ERAP1: variants seen among roughly 807,000 people sequenced by gnomAD.
ERAP1 encodes adipocyte-derived leucine aminopeptidase.
Under a neutral mutation model 103.7 loss-of-function variants are expected in ERAP1, and 86 were observed. That is an observed-to-expected ratio of 0.83 (90% CI 0.70 to 0.99). The LOEUF is 0.99. Ranked by LOEUF, ERAP1 falls within the 50% of genes least tolerant of loss-of-function variation. ERAP1 has a pLI of 0.00. For synonymous variants in ERAP1, 398 were observed against 402.4 expected (o/e 0.99, Z 0.13); for missense variants, 1,009 against 1,128.4 (o/e 0.89, Z 1.52).
At chr5:96,911,629 T>C in the ERAP1 span, among the ~76,000 whole-genome samples, 1 of 152,012 alleles carries the variant, frequency 6.6e-6, no homozygotes, top group Non-Finnish European at 1.5e-5. Context: ...CTCATGCCTG[T>C]AAGGCCAAGG....
At chr5:96,922,637 C>T in the ERAP1 span, among the ~76,000 whole-genome samples, 1 of 152,192 alleles carries the variant, frequency 6.6e-6, no homozygotes, top group Non-Finnish European at 1.5e-5. Flanking sequence ...AACAATTGTG[C>T]ACAATCTATG....
chr5:96,889,728 C>A, the ERAP1 span, among the ~76,000 whole-genome samples: 1 of 152,112 alleles, frequency 6.6e-6, no homozygotes, highest in African/African-American at 2.4e-5. Context: ...CGCTCTCATC[C>A]ATTATGCTCC....
At chr5:96,804,465 G>A (rs1161866572) in intron 1 of ERAP1, 2 of 178,474 alleles carry the variant, frequency 1.1e-5, no homozygotes, top group Non-Finnish European at 2.4e-5. Flanking sequence ...CCACTAGAAC[G>A]AGGTCTCCAC....
At chr5:96,932,368 C>T in the ERAP1 span, among the ~76,000 whole-genome samples, 4,935 of 152,266 alleles carry the variant, frequency 0.032, 153 homozygotes, top group South Asian at 0.088. Context: ...GATCACTTAG[C>T]AGGGCTGAAT....
the ERAP1 span, among the ~76,000 whole-genome samples, chr5:96,933,211 C>CTTT: frequency 0.055 from 3,973 of 72,796 alleles, 279 homozygotes; most frequent in South Asian, 0.073. Context: ...AAAACCACGT[C>CTTT]TTTTTTTTTT....
chr5:96,774,444 C>T, downstream of ERAP1: 1 of 915,420 alleles, frequency 1.1e-6, no homozygotes, highest in Non-Finnish European at 1.3e-6. Flanking sequence ...GCCCTTTTTA[C>T]AGTCTAGTTA....
At chr5:96,810,723 A>G (rs1779103646), upstream of ERAP1, among the ~76,000 whole-genome samples, 1 of 152,224 alleles carries the variant, frequency 6.6e-6, no homozygotes, top group Non-Finnish European at 1.5e-5. Context: ...AATACATACC[A>G]CTTTGAGCTA....
upstream of ERAP1, among the ~76,000 whole-genome samples, chr5:96,809,216 G>A (rs566831427): frequency 4.8e-4 from 73 of 152,294 alleles, no homozygotes; most frequent in Non-Finnish European, 7.9e-4. Context: ...TTATCAGCAA[G>A]GTCTTTATGA....
Position 96,803,648 on chromosome 5 carries a change from G to A in ERAP1, c.279C>T (p.Ile93=), listed in dbSNP as rs1459628822. 3.1e-6 allele frequency: 5 copies of A among 1,614,234 alleles called. No individual in the cohort carries two copies. The highest frequency in any genetic ancestry group is 4.2e-6 in the Non-Finnish European group (5 of 1,180,040). ...EITASQPTST[I]ILHSHHLQIS... Reference sequence around the variant, plus strand: ...TCTGCAGGTGGTGACTATGCAGGATGATGGTGCTGGTGGGCTGACTGGCTG... The same window carrying A: ...TCTGCAGGTGGTGACTATGCAGGATAATGGTGCTGGTGGGCTGACTGGCTG... The change falls in exon 2 of 19, where the codon ATC becomes ATT. Residue 93 remains isoleucine (I), a synonymous_variant. Coordinates refer to ENST00000443439, the MANE Select transcript of ERAP1 (RefSeq NM_001040458.3).
chr5:96,863,385 G>A, the ERAP1 span, among the ~76,000 whole-genome samples: 3 of 152,072 alleles, frequency 2.0e-5, no homozygotes, highest in Admixed American at 6.6e-5. Context: ...GAAGTTAAGC[G>A]GTTTCTCTCA....
At chr5:96,877,320 A>G in the ERAP1 span, among the ~76,000 whole-genome samples, 2 of 152,250 alleles carry the variant, frequency 1.3e-5, no homozygotes, top group East Asian at 3.9e-4. Context: ...GCTGGCCTTT[A>G]CAACCCTTAC....
At chr5:96,934,604 A>G in the ERAP1 span, 2 of 152,224 alleles carry the variant, frequency 1.3e-5, no homozygotes, top group Non-Finnish European at 2.9e-5. Context: ...GTGCGTTGTG[A>G]GGGATGTAAT....
chr5:96,766,407 A>G (rs1581405869), intron 19 of ERAP1, among the ~76,000 whole-genome samples: 1 of 152,218 alleles, frequency 6.6e-6, no homozygotes, highest in African/African-American at 2.4e-5. Flanking sequence ...GAGTGATCCA[A>G]GAAATGTGAT....
In ERAP1 at chr5:96,776,146, C is replaced by T; in HGVS notation, c.*250G>A. The T allele has an allele frequency of 6.8e-7, 1 of 1,477,598 alleles. No homozygotes were observed. The allele number at this position is 1,477,598 out of a possible 1,614,324, so 91.5% of individuals were successfully genotyped here. On this transcript the variant is annotated 3_prime_UTR_variant, in exon 19 of 19. Transcript: ENST00000443439. Reference sequence around the variant, plus strand: ...AATGAGAAGAATAAGGTACTTTATTCTTCTGTGGCAGGGAACCCAACACTT... The same window carrying T: ...AATGAGAAGAATAAGGTACTTTATTTTTCTGTGGCAGGGAACCCAACACTT...
rs758988847 is a variant in ERAP1 at position 96,776,558 on chromosome 5, A to G, written c.2671-7T>C. ...AGCTGAAGAATCCTTTTACCTTGTG[A>G]GGAAAAAGTGGGTTTTAAAAAATTA... is the stretch of plus-strand genomic sequence containing the variant. On this transcript the variant is annotated splice_polypyrimidine_tract_variant and splice_region_variant and intron_variant, in intron 18 of 18. Transcript: ENST00000443439. 9 of 1,613,230 alleles carry G rather than the reference A, an allele frequency of 5.6e-6. No homozygotes were observed. Among genetic ancestry groups the G allele is most frequent in the Non-Finnish European group, 7.6e-6 (9 of 1,179,840 alleles).
At chr5:96,765,153 C>T (rs886995738) in intron 19 of ERAP1, 1 of 879,450 alleles carries the variant, frequency 1.1e-6, no homozygotes, top group Non-Finnish European at 1.9e-6. Context: ...AGATGGAGTT[C>T]CTGGGCTAAT....
At chr5:96,833,600 GAATTTA>G in the ERAP1 span, among the ~76,000 whole-genome samples, 1 of 152,066 alleles carries the variant, frequency 6.6e-6, no homozygotes, top group Non-Finnish European at 1.5e-5. Flanking sequence ...AAAATAAATA[GAATTTA>G]GTCACATGGT....
At chr5:96,857,509 G>C in the ERAP1 span, among the ~76,000 whole-genome samples, 1 of 152,024 alleles carries the variant, frequency 6.6e-6, no homozygotes, top group Non-Finnish European at 1.5e-5. Flanking sequence ...AAAATAAAAA[G>C]CTAAAAATAA....
At chr5:96,926,033 C>A in the ERAP1 span, among the ~76,000 whole-genome samples, 1 of 151,196 alleles carries the variant, frequency 6.6e-6, no homozygotes, top group Non-Finnish European at 1.5e-5. Flanking sequence ...GCCTCAGCCT[C>A]CCAAGTAGCT....
Sources: gnomAD v4.1 joint callset for allele counts (sites outside exome capture counted in the v4.1 genomes callset) on GRCh38, gnomAD v4.1.1 for gene constraint, MANE v1.5 for transcripts, NCBI Gene and HGNC (gene_info 2026-07-23, HGNC 2026-07-21) for gene names.